Variants in HPSE2 observed in about 807,000 individuals in gnomAD.
HPSE2 encodes inactive heparanase-2.
In HPSE2, 38 loss-of-function variants were observed where a neutral mutation model predicts 60.5. The observed-to-expected ratio is 0.63, with a 90% CI of 0.48 to 0.82. The LOEUF (loss-of-function observed/expected upper bound fraction) is 0.82, where lower values mean the gene tolerates loss of function less well. Among genes scored for constraint, HPSE2 ranks in the 40% least tolerant of loss-of-function variants. HPSE2 has a pLI of 0.00. For missense variants in HPSE2, 713 were observed against 740.4 expected, an observed-to-expected ratio of 0.96 and a Z score of 0.43; for synonymous variants, 295 against 293.2, an observed-to-expected ratio of 1.01 and a Z score of -0.06.
At chr10:99,051,788 A>C (rs1469530566) in intron 3 of HPSE2, among the ~76,000 whole-genome samples, 2 of 152,192 alleles carry the variant, frequency 1.3e-5, no homozygotes, top group Non-Finnish European at 2.9e-5. Flanking sequence ...GTGTGTCTGC[A>C]GAAAGTAGTA....
At chr10:98,986,871 G>A (rs897680787) in intron 3 of HPSE2, among the ~76,000 whole-genome samples, 5 of 152,088 alleles carry the variant, frequency 3.3e-5, no homozygotes, top group Non-Finnish European at 5.9e-5. Context: ...ACACCTCTAC[G>A]GAAATAAACT....
rs755652047 is a variant in HPSE2, at chr10:98,721,848, G to C, written c.785-20C>G. On this transcript the variant is annotated intron_variant, in intron 4 of 11. Coordinates refer to ENST00000370552, the MANE Select transcript of HPSE2 (RefSeq NM_021828.5). ...TTGGCTCTAGATTAAAAGCAGACAT[G>C]TAAGTCAGAATGAGAAGTGTAAGGT... 1 of 1,610,138 alleles carries C rather than the reference G, an allele frequency of 6.2e-7. No homozygotes were observed. The highest frequency in any genetic ancestry group is 1.7e-5 in the Admixed American group (1 of 59,868).
intron 5 of HPSE2, among the ~76,000 whole-genome samples, chr10:98,710,632 T>C (rs190461114): frequency 3.9e-5 from 6 of 152,256 alleles, no homozygotes; most frequent in Middle Eastern, 3.4e-3. Flanking sequence ...GGTAAGCAGA[T>C]TATCTATTTT....
At chr10:98,940,000 T>A (rs1954940331) in intron 3 of HPSE2, among the ~76,000 whole-genome samples, 1 of 142,852 alleles carries the variant, frequency 7.0e-6, no homozygotes, top group Non-Finnish European at 1.5e-5. Context: ...CACAACGAAA[T>A]GAAGGCAGAA....
chr10:98,712,046 A>G (rs1281857047), intron 5 of HPSE2, among the ~76,000 whole-genome samples: 1 of 152,048 alleles, frequency 6.6e-6, no homozygotes, highest in Non-Finnish European at 1.5e-5. Flanking sequence ...TGGAGGGGAA[A>G]GCAGGGTTGT....
chr10:99,109,868 T>C (rs561379463), intron 3 of HPSE2, among the ~76,000 whole-genome samples: 4 of 152,196 alleles, frequency 2.6e-5, no homozygotes, highest in South Asian at 4.2e-4. Flanking sequence ...ATGAGTCGGG[T>C]TGTGGAGGTC....
At chr10:99,220,894 T>G (rs1849290493) in intron 2 of HPSE2, among the ~76,000 whole-genome samples, 1 of 144,452 alleles carries the variant, frequency 6.9e-6, no homozygotes, top group Non-Finnish European at 1.5e-5. Context: ...TCACTCTTGT[T>G]GCCCAGGCTG....
At chr10:99,159,613 TA>T (rs1445771827) in intron 2 of HPSE2, among the ~76,000 whole-genome samples, 1 of 152,144 alleles carries the variant, frequency 6.6e-6, no homozygotes, top group African/African-American at 2.4e-5. Context: ...AAATATTTTT[TA>T]AAGAATTTAG....
At chr10:98,646,898 T>C (rs1946784041) in intron 6 of HPSE2, among the ~76,000 whole-genome samples, 1 of 152,196 alleles carries the variant, frequency 6.6e-6, no homozygotes, top group Admixed American at 6.5e-5. Context: ...CTAGAGAAGC[T>C]CATTGCAACA....
At chr10:99,218,665 C>A (rs1426238576) in intron 2 of HPSE2, among the ~76,000 whole-genome samples, 1 of 152,226 alleles carries the variant, frequency 6.6e-6, no homozygotes, top group Non-Finnish European at 1.5e-5. Context: ...AAGTTTTCTG[C>A]TGCAAGTTGT....
chr10:98,667,252 C>T (rs905541620), intron 6 of HPSE2, among the ~76,000 whole-genome samples: 1 of 152,056 alleles, frequency 6.6e-6, no homozygotes, highest in South Asian at 2.1e-4. Context: ...CTGAACAGAA[C>T]AATAATAAAC....
intron 2 of HPSE2, among the ~76,000 whole-genome samples, chr10:99,197,872 C>T (rs995714606): frequency 6.6e-6 from 1 of 151,942 alleles, no homozygotes; most frequent in Non-Finnish European, 1.5e-5. Context: ...ACCAGCCTGG[C>T]CAACCATGGC....
chr10:99,081,689 T>A (rs1843146890), intron 3 of HPSE2, among the ~76,000 whole-genome samples: 1 of 151,940 alleles, frequency 6.6e-6, no homozygotes, highest in Admixed American at 6.6e-5. Flanking sequence ...CAGGCTGGAG[T>A]GCAGTGGCGT....
At chr10:99,286,829 G>T in the HPSE2 span, among the ~76,000 whole-genome samples, 10 of 152,160 alleles carry the variant, frequency 6.6e-5, no homozygotes, top group Admixed American at 5.9e-4. Flanking sequence ...GCTTGGAACT[G>T]TGCAAACTGC....
the HPSE2 span, among the ~76,000 whole-genome samples, chr10:99,315,688 C>T: frequency 6.6e-6 from 1 of 152,160 alleles, no homozygotes; most frequent in Admixed American, 6.5e-5. Flanking sequence ...CATTTTATAA[C>T]AACTAGGTTC....
chr10:99,256,969 T>G, the HPSE2 span, among the ~76,000 whole-genome samples: 1 of 152,232 alleles, frequency 6.6e-6, no homozygotes, highest in Non-Finnish European at 1.5e-5. Flanking sequence ...TCATGGACAT[T>G]TATTAGTTCC....
At chr10:98,917,127 C>G (rs2135045634) in intron 3 of HPSE2, among the ~76,000 whole-genome samples, 1 of 152,170 alleles carries the variant, frequency 6.6e-6, no homozygotes, top group African/African-American at 2.4e-5. Context: ...ACAGATCCAT[C>G]CAAGACTATT....
In HPSE2 at chr10:98,575,084, C is replaced by T. The variant is rs544059656; in HGVS notation, c.1320+39820G>A. ...ACAACCAACCACTGTAGGGAAAGAG[C>T]CCTCAGCAAACAGTCTGAGCCACCT... On this transcript the variant is annotated intron_variant, in intron 9 of 11. Transcript: ENST00000370552. Among the ~76,000 whole-genome samples, 4 of 151,260 alleles carry T rather than the reference C, an allele frequency of 2.6e-5. No individual in the cohort carries two copies. The East Asian group carries it at 7.9e-4, about 30-fold the overall frequency.
At chr10:98,484,151 C>A (rs773996777) in intron 10 of HPSE2, among the ~76,000 whole-genome samples, 2 of 152,202 alleles carry the variant, frequency 1.3e-5, no homozygotes, top group Non-Finnish European at 2.9e-5. Flanking sequence ...CTTTTGTAAG[C>A]TGACCATGTC....
Sources: gnomAD v4.1 joint callset for allele counts (sites outside exome capture counted in the v4.1 genomes callset) on GRCh38, gnomAD v4.1.1 for gene constraint, MANE v1.5 for transcripts, NCBI Gene and HGNC (gene_info 2026-07-23, HGNC 2026-07-21) for gene names.